CLIC5: variants seen among roughly 807,000 people sequenced by gnomAD.
CLIC5 encodes the protein CLIC family member 5, also known as chloride intracellular channel protein 5.
A neutral mutation model predicts 24.7 loss-of-function variants in CLIC5; 20 were observed. The observed-to-expected ratio is 0.81, with a 90% CI of 0.57 to 1.18. CLIC5 has a LOEUF of 1.18. CLIC5 is among the 50% of genes most tolerant of loss of function. CLIC5 has a pLI of 0.00. For missense variants in CLIC5, 341 were observed against 326.1 expected (o/e 1.05, Z -0.35); for synonymous variants, 159 against 135.6 (o/e 1.17, Z -1.20).
At chr6:45,961,663 A>C (rs1052843473) in intron 1 of CLIC5, among the ~76,000 whole-genome samples, 3 of 151,652 alleles carry the variant, frequency 2.0e-5, no homozygotes, top group African/African-American at 7.3e-5. Flanking sequence ...TTTTTTTTTA[A>C]TACCAAACAG....
intron 1 of CLIC5, among the ~76,000 whole-genome samples, chr6:45,997,590 C>A (rs902492631): frequency 6.6e-6 from 1 of 151,472 alleles, no homozygotes; most frequent in Admixed American, 6.6e-5. Flanking sequence ...TCAAATGGCA[C>A]TGGGTAGCAA....
chr6:45,960,291 G>A (rs1764803803), intron 1 of CLIC5, among the ~76,000 whole-genome samples: 1 of 152,140 alleles, frequency 6.6e-6, no homozygotes, highest in Non-Finnish European at 1.5e-5. Flanking sequence ...ATTATAGAAA[G>A]TGACCAGATG....
At chr6:46,032,643 T>G (rs1404941811) in intron 1 of CLIC5, among the ~76,000 whole-genome samples, 1 of 152,182 alleles carries the variant, frequency 6.6e-6, no homozygotes, top group Non-Finnish European at 1.5e-5. Context: ...CTTTGGGAAG[T>G]GAATTTCCTC....
the CLIC5 span, among the ~76,000 whole-genome samples, chr6:46,108,275 A>G: frequency 7.2e-5 from 11 of 152,178 alleles, no homozygotes; most frequent in African/African-American, 2.2e-4. Context: ...TGTAATATTC[A>G]TAAGAGATAG....
rs1766982361 is a variant in CLIC5, at chr6:46,015,769, C to T, written c.-227G>A. ...GAAGCCGGGAGGAGGCGGGGGGCCA[C>T]GGGGAAAGCCGGGTTAAGGGAATGA... On this transcript the variant is annotated 5_prime_UTR_variant, in exon 1 of 6. The change creates a new upstream start codon in the 5' untranslated region. Transcript: ENST00000339561. 6 of 1,228,680 alleles carry T rather than the reference C, an allele frequency of 4.9e-6. No homozygotes were observed. The South Asian group carries it at 1.9e-4, about 38-fold the overall frequency. 76.1% of individuals were successfully genotyped at this position (1,228,680 alleles called of 1,614,324 possible).
intron 1 of CLIC5, among the ~76,000 whole-genome samples, chr6:45,982,369 A>T (rs1011067857): frequency 1.1e-4 from 17 of 151,988 alleles, no homozygotes; most frequent in African/African-American, 3.1e-4. Flanking sequence ...GATATTATAA[A>T]TTTTTTTATA....
At chr6:46,109,934 C>A in the CLIC5 span, among the ~76,000 whole-genome samples, 7 of 148,708 alleles carry the variant, frequency 4.7e-5, no homozygotes, top group South Asian at 2.1e-4. Flanking sequence ...TTTGGAATAC[C>A]AAATTCTGTG....
At chr6:46,116,240 T>C in the CLIC5 span, among the ~76,000 whole-genome samples, 1 of 152,048 alleles carries the variant, frequency 6.6e-6, no homozygotes, top group East Asian at 1.9e-4. Flanking sequence ...TGACACTAGA[T>C]GTATTTGTTT....
intron 1 of CLIC5, among the ~76,000 whole-genome samples, chr6:46,076,476 G>A (rs927988095): frequency 6.6e-6 from 1 of 152,184 alleles, no homozygotes; most frequent in Non-Finnish European, 1.5e-5. Context: ...GTCGGAAGAA[G>A]GCAATGGGAT....
chr6:46,063,298 A>G (rs979004720), intron 1 of CLIC5, among the ~76,000 whole-genome samples: 11 of 152,226 alleles, frequency 7.2e-5, no homozygotes, highest in Non-Finnish European at 1.0e-4. Context: ...CTTAGAGTCA[A>G]TTGCAACAAC....
At chr6:46,004,642 C>A (rs1229405940) in intron 1 of CLIC5, among the ~76,000 whole-genome samples, 2 of 152,270 alleles carry the variant, frequency 1.3e-5, no homozygotes, top group East Asian at 3.9e-4. Context: ...GACATCTGAA[C>A]AGTGAAGACT....
At chr6:46,071,750 G>C (rs1028332341) in intron 1 of CLIC5, among the ~76,000 whole-genome samples, 3 of 152,026 alleles carry the variant, frequency 2.0e-5, no homozygotes, top group Non-Finnish European at 4.4e-5. Context: ...ATACCTAAAG[G>C]AATATAAATT....
At chr6:45,940,735 T>C (rs927194561) in intron 4 of CLIC5, among the ~76,000 whole-genome samples, 50 of 152,288 alleles carry the variant, frequency 3.3e-4, no homozygotes, top group African/African-American at 1.1e-3. Flanking sequence ...CCATTGCCCA[T>C]AGGATAAAAA....
the CLIC5 span, among the ~76,000 whole-genome samples, chr6:46,099,336 C>A: frequency 2.0e-5 from 3 of 152,154 alleles, no homozygotes; most frequent in African/African-American, 7.2e-5. Flanking sequence ...ATGTAGCCCC[C>A]GACTGTGGTA....
At chr6:46,114,047 T>C in the CLIC5 span, among the ~76,000 whole-genome samples, 14 of 152,130 alleles carry the variant, frequency 9.2e-5, no homozygotes, top group African/African-American at 3.1e-4. Context: ...TGAAGGGAAA[T>C]GGAGAGGAGA....
intron 1 of CLIC5, among the ~76,000 whole-genome samples, chr6:46,002,078 G>C (rs970587370): frequency 6.6e-6 from 1 of 152,036 alleles, no homozygotes. Flanking sequence ...TCTTCTATGT[G>C]GCATTATAAC....
chr6:46,008,246 A>G (rs994816398), intron 1 of CLIC5, among the ~76,000 whole-genome samples: 1 of 151,620 alleles, frequency 6.6e-6, no homozygotes, highest in South Asian at 2.1e-4. Flanking sequence ...TTCATATACC[A>G]CTTGCTTCAG....
chr6:46,024,358 A>C (rs1315419623), intron 1 of CLIC5, among the ~76,000 whole-genome samples: 1 of 152,178 alleles, frequency 6.6e-6, no homozygotes, highest in Non-Finnish European at 1.5e-5. Context: ...TTGGTTCAAA[A>C]TGGGCACATG....
chr6:45,935,065 C>A (rs1322656829), intron 4 of CLIC5, among the ~76,000 whole-genome samples: 1 of 152,160 alleles, frequency 6.6e-6, no homozygotes, highest in Non-Finnish European at 1.5e-5. Context: ...TGATAAGTAA[C>A]TAAAATGAAT....
Sources: allele counts gnomAD v4.1 joint callset (sites outside exome capture counted in the v4.1 genomes callset), GRCh38; gene constraint gnomAD v4.1.1; transcripts MANE v1.5; gene names NCBI Gene and HGNC (gene_info 2026-07-23, HGNC 2026-07-21).